Variants in MIB1 observed in about 807,000 individuals in gnomAD.
MIB1 encodes E3 ubiquitin-protein ligase MIB1.
Under a neutral mutation model 124.5 loss-of-function variants are expected in MIB1, and 278 were observed. The ratio of observed to expected loss-of-function variants is 2.23; its 90% CI spans 2.02 to 2.47. The LOEUF (loss-of-function observed/expected upper bound fraction) is 2.47, where lower values mean the gene tolerates loss of function less well. MIB1 is among the 30% of genes most tolerant of loss of function. The pLI, the probability that MIB1 is intolerant of heterozygous loss-of-function variation, is 0.00. For synonymous variants in MIB1, 446 were observed against 429.4 expected (o/e 1.04, Z -0.48); for missense variants, 957 against 1,254.4 (o/e 0.76, Z 3.58).
At chr18:21,793,812 A>AAAAG (rs2041539151) in intron 7 of MIB1, 1 of 140,518 alleles carries the variant, frequency 7.1e-6, no homozygotes. Flanking sequence ...AAAAAAAAAA[A>AAAAG]GGCATATCAG....
intron 1 of MIB1, among the ~76,000 whole-genome samples, chr18:21,761,711 G>A (rs1033729762): frequency 1.2e-4 from 19 of 152,174 alleles, no homozygotes; most frequent in African/African-American, 4.6e-4. Flanking sequence ...GGCAGATGTC[G>A]CTTGTCTGTC....
chr18:21,850,334 T>G (rs112646567), intron 17 of MIB1, among the ~76,000 whole-genome samples: 1 of 151,366 alleles, frequency 6.6e-6, no homozygotes, highest in African/African-American at 2.5e-5. Context: ...AAGTAAAAAC[T>G]CATGGAGTTT....
chr18:21,779,522 G>T lies in MIB1; in HGVS notation c.745G>T (p.Gly249Cys). Residue 249 changes from glycine to cysteine, a missense_variant, in exon 6 of 21, where the codon GGT becomes TGT. By Grantham distance (159) the Gly-to-Cys change is radical. Coordinates refer to ENST00000261537, the MANE Select transcript of MIB1 (RefSeq NM_020774.4). ...GNRNPGGLQI[G>C]DLVNIDLDLE... is the part of the protein sequence containing the mutation. ...CAGGAATCCTGGTGGATTGCAGATT[G>T]GTGACCTGGTAAATATAGATCTCGA... The T allele has an allele frequency of 6.2e-7, 1 of 1,614,080 alleles. No homozygotes were observed. Among genetic ancestry groups the T allele is most frequent in the South Asian group, 1.1e-5 (1 of 91,074 alleles).
At chr18:21,730,850 T>C (rs1818549883) in intron 1 of MIB1, among the ~76,000 whole-genome samples, 1 of 152,264 alleles carries the variant, frequency 6.6e-6, no homozygotes, top group African/African-American at 2.4e-5. Context: ...GCTATTAGGA[T>C]AAATTTCAAC....
chr18:21,776,926 G>A (rs1009448187), intron 4 of MIB1, among the ~76,000 whole-genome samples: 2 of 151,126 alleles, frequency 1.3e-5, no homozygotes, highest in Non-Finnish European at 3.0e-5. Context: ...GCAGTGAGCC[G>A]AGATCCCGCC....
chr18:21,860,069 C>G (rs1190205084), intron 20 of MIB1, among the ~76,000 whole-genome samples: 1 of 139,192 alleles, frequency 7.2e-6, no homozygotes, highest in Admixed American at 7.2e-5. Context: ...ATACTTTAAC[C>G]TGGGTGTTGG....
At chr18:21,847,261 C>T (rs1892506476) in intron 16 of MIB1, 136 bp downstream of exon 16, 1 of 821,394 alleles carries the variant, frequency 1.2e-6, no homozygotes, top group Non-Finnish European at 1.8e-6. Context: ...CCTTTCTTTC[C>T]TGAAATTTTT....
At chr18:21,717,742 A>G (rs563571169) in intron 1 of MIB1, among the ~76,000 whole-genome samples, 1 of 152,318 alleles carries the variant, frequency 6.6e-6, no homozygotes, top group South Asian at 2.1e-4. Context: ...AAAATAAAAA[A>G]TAGCAGATGT....
intron 12 of MIB1, among the ~76,000 whole-genome samples, chr18:21,825,329 C>T (rs1442883703): frequency 1.3e-5 from 2 of 152,072 alleles, no homozygotes; most frequent in Non-Finnish European, 2.9e-5. Context: ...TGTACAATCC[C>T]ATTATGTGTT....
chr18:21,805,342 T>C (rs2041691922), intron 10 of MIB1, among the ~76,000 whole-genome samples: 1 of 152,164 alleles, frequency 6.6e-6, no homozygotes, highest in African/African-American at 2.4e-5. Context: ...ATATTAGATA[T>C]CTATGAACTA....
chr18:21,850,027 G>A (rs952558298), intron 17 of MIB1, among the ~76,000 whole-genome samples: 3 of 152,068 alleles, frequency 2.0e-5, no homozygotes, highest in Non-Finnish European at 2.9e-5. Context: ...TGTCCCATCT[G>A]GAGGCAAATA....
Position 21,805,649 on chromosome 18 carries a change from A to G in MIB1, c.1479+1635A>G, listed in dbSNP as rs72886668. Among the ~76,000 whole-genome samples, 850 of 152,278 alleles carry G rather than the reference A, an allele frequency of 5.6e-3. 4 individuals are homozygous for G. Among genetic ancestry groups the G allele is most frequent in the Non-Finnish European group, 8.2e-3 (558 of 68,028 alleles). Reference sequence around the variant, plus strand: ...AAACTCCAATAGCAACAACTACTGAAAAACCAAAGTCCTTCTGATTACAGC... The same window carrying G: ...AAACTCCAATAGCAACAACTACTGAGAAACCAAAGTCCTTCTGATTACAGC... On this transcript the variant is annotated intron_variant, in intron 10 of 20. Coordinates refer to ENST00000261537, the MANE Select transcript of MIB1 (RefSeq NM_020774.4).
chr18:21,754,267 C>G (rs3017029), intron 1 of MIB1, among the ~76,000 whole-genome samples: 9,172 of 152,296 alleles, frequency 0.06, 538 homozygotes, highest in African/African-American at 0.15. Flanking sequence ...CTTTATCCAT[C>G]CTCTTGCTTT....
chr18:21,829,115 A>T, intron 12 of MIB1: 5 of 432,928 alleles, frequency 1.2e-5, no homozygotes, highest in South Asian at 8.8e-5. Flanking sequence ...CTGTAAAAAC[A>T]TGAAATATTT....
chr18:21,772,902 G>T (rs1278601807), intron 3 of MIB1, among the ~76,000 whole-genome samples: 1 of 152,130 alleles, frequency 6.6e-6, no homozygotes, highest in Non-Finnish European at 1.5e-5. Context: ...GACCAAAAAG[G>T]TTTATCTTGA....
chr18:21,705,133 C>G (rs765911009), intron 1 of MIB1: 1 of 153,660 alleles, frequency 6.5e-6, no homozygotes, highest in Non-Finnish European at 1.4e-5. Context: ...GGTAAGCGTG[C>G]CTTGCATTCA....
chr18:21,836,343 C>T (rs2042032292), intron 12 of MIB1, among the ~76,000 whole-genome samples: 1 of 151,084 alleles, frequency 6.6e-6, no homozygotes, highest in Admixed American at 6.6e-5. Flanking sequence ...GCTCGATCTC[C>T]ACTCACTGCA....
rs956102948 is a variant in MIB1, at chr18:21,777,995, C to G, written c.637-108C>G. The G allele has an allele frequency of 5.3e-6, 4 of 754,946 alleles. No individual in the cohort carries two copies. The Admixed American group carries it at 8.6e-5, about 16-fold the overall frequency. The allele number at this position is 754,946 out of a possible 1,614,324, so 46.8% of individuals were successfully genotyped here. A position where few individuals can be genotyped will look rare whatever the true frequency, so the allele number is the denominator to read the frequency against. ...AGTGTGATTGTTGACCTAGACTGTT[C>G]TTGATTTCTGTTTTGGGTATGTTCT... On this transcript the variant is annotated intron_variant, in intron 4 of 20. Coordinates refer to ENST00000261537, the MANE Select transcript of MIB1 (RefSeq NM_020774.4).
rs1479247841 is a variant in MIB1 at position 21,768,756 on chromosome 18, C to T, written c.531+4C>T. On this transcript the variant is annotated splice_donor_region_variant and intron_variant, in intron 3 of 20. Transcript: ENST00000261537. ...AGGAAATGGACGTAGGGGAAAGGTA[C>T]AGTGTTTCTCTGAATTCATTATGTA... 11 of 1,606,468 alleles carry T rather than the reference C, an allele frequency of 6.8e-6. No homozygotes were observed. In the Admixed American group the frequency reaches 1.7e-4, roughly 25 times the overall value.
Sources: allele counts gnomAD v4.1 joint callset (sites outside exome capture counted in the v4.1 genomes callset), GRCh38; gene constraint gnomAD v4.1.1; transcripts MANE v1.5; gene names NCBI Gene and HGNC (gene_info 2026-07-23, HGNC 2026-07-21).